The following IRGM variants were observed in gnomAD, a reference collection of about 807,000 sequenced individuals.
IRGM encodes immunity-related GTPase family M protein.
For missense variants in IRGM, 288 were observed against 219.9 expected (o/e 1.31, Z -1.96); for synonymous variants, 98 against 80.6 (o/e 1.22, Z -1.16).
intron 3 of IRGM, among the ~76,000 whole-genome samples, chr5:150,899,072 T>C (rs1754903115): frequency 6.6e-6 from 1 of 151,720 alleles, no homozygotes; most frequent in Admixed American, 6.6e-5. Context: ...AGAGGGAAGA[T>C]AATGCAAAGA....
At chr5:150,852,634 A>C (rs866300553), downstream of IRGM, among the ~76,000 whole-genome samples, 24 of 152,260 alleles carry the variant, frequency 1.6e-4, no homozygotes, top group Middle Eastern at 3.4e-3. Flanking sequence ...AGAGCATGGG[A>C]TAAGCTAGAG....
At chr5:150,852,449 G>T (rs1753989927), downstream of IRGM, among the ~76,000 whole-genome samples, 1 of 151,834 alleles carries the variant, frequency 6.6e-6, no homozygotes, top group South Asian at 2.1e-4. Flanking sequence ...TTTCCATCTG[G>T]CTCACCTTAT....
intron 1 of IRGM, among the ~76,000 whole-genome samples, chr5:150,856,585 G>A (rs933317914): frequency 1.3e-5 from 2 of 151,302 alleles, no homozygotes; most frequent in Admixed American, 1.3e-4. Context: ...CTACCAATTG[G>A]GGTAGTGTTC....
chr5:150,854,656 AC>A, intron 1 of IRGM, among the ~76,000 whole-genome samples: 1 of 152,126 alleles, frequency 6.6e-6, no homozygotes, highest in Non-Finnish European at 1.5e-5. Flanking sequence ...CTGGCCTGCA[AC>A]CTTTCTGCTG....
chr5:150,873,408 C>A (rs6873549), intron 1 of IRGM, among the ~76,000 whole-genome samples: 4,840 of 152,266 alleles, frequency 0.032, 246 homozygotes, highest in African/African-American at 0.11. Context: ...ACACTACCAA[C>A]AATTTATGCT....
At chr5:150,866,648 T>A (rs1173026434) in intron 1 of IRGM, among the ~76,000 whole-genome samples, 1 of 152,220 alleles carries the variant, frequency 6.6e-6, no homozygotes, top group African/African-American at 2.4e-5. Flanking sequence ...ATATCCCATG[T>A]ACAGATATTA....
intron 1 of IRGM, among the ~76,000 whole-genome samples, chr5:150,873,224 TCTTA>T (rs1229124517): frequency 6.6e-6 from 1 of 152,180 alleles, no homozygotes; most frequent in African/African-American, 2.4e-5. Context: ...CCCACTGCAT[TCTTA>T]CTTAATTTAT....
intron 3 of IRGM, chr5:150,898,545 A>G: frequency 6.2e-7 from 1 of 1,605,436 alleles, no homozygotes; most frequent in Non-Finnish European, 8.5e-7. Flanking sequence ...TCCTTGAATG[A>G]TACTAACCCC....
intron 1 of IRGM, among the ~76,000 whole-genome samples, chr5:150,857,260 CTCA>C (rs1754071588): frequency 6.6e-6 from 1 of 152,120 alleles, no homozygotes; most frequent in Non-Finnish European, 1.5e-5. Flanking sequence ...AGGACATGAA[CTCA>C]TCATTTTTTA....
At chr5:150,850,798 G>A (rs1290058459), downstream of IRGM, among the ~76,000 whole-genome samples, 1 of 152,138 alleles carries the variant, frequency 6.6e-6, no homozygotes, top group Non-Finnish European at 1.5e-5. Flanking sequence ...TCCACCCCCT[G>A]TAGTGAGAGC....
At chr5:150,858,477 C>T (rs913863730) in intron 1 of IRGM, among the ~76,000 whole-genome samples, 7 of 152,166 alleles carry the variant, frequency 4.6e-5, no homozygotes, top group African/African-American at 1.7e-4. Context: ...TCATTGGTAG[C>T]TTGATGGGGA....
chr5:150,890,981 A>C (rs186318899), intron 3 of IRGM, among the ~76,000 whole-genome samples: 1 of 152,200 alleles, frequency 6.6e-6, no homozygotes, highest in Admixed American at 6.5e-5. Flanking sequence ...AAGTCTACCT[A>C]CTATAACCTT....
chr5:150,898,238 G>A, intron 3 of IRGM: 2 of 1,606,854 alleles, frequency 1.2e-6, no homozygotes, highest in Non-Finnish European at 8.5e-7. Flanking sequence ...AGGAAAAAGA[G>A]AAGGTGCAGT....
At chr5:150,895,532 C>A (rs1344475261) in intron 3 of IRGM, 2 of 1,613,376 alleles carry the variant, frequency 1.2e-6, no homozygotes, top group Admixed American at 3.3e-5. Context: ...CAGTATGAAT[C>A]CTCTGATGTA....
intron 1 of IRGM, among the ~76,000 whole-genome samples, chr5:150,866,450 G>C (rs1325756116): frequency 6.6e-6 from 1 of 152,190 alleles, no homozygotes; most frequent in Non-Finnish European, 1.5e-5. Flanking sequence ...TTCACCCACT[G>C]CTTGACTTGG....
intron 3 of IRGM, chr5:150,898,120 T>A (rs1367487275): frequency 4.3e-6 from 7 of 1,613,710 alleles, no homozygotes; most frequent in Non-Finnish European, 5.9e-6. Context: ...TGTCTCCCTT[T>A]ATGATCCATG....
downstream of IRGM, among the ~76,000 whole-genome samples, chr5:150,848,877 C>G (rs915606281): frequency 2.6e-5 from 4 of 152,038 alleles, no homozygotes; most frequent in Admixed American, 6.5e-5. Context: ...AAGGTCCTTT[C>G]CCTTCACGGA....
chr5:150,896,748 T>C, intron 3 of IRGM: 1 of 1,613,760 alleles, frequency 6.2e-7, no homozygotes, highest in Non-Finnish European at 8.5e-7. Flanking sequence ...CAGTGGATTA[T>C]ATTTATGCCC....
chr5:150,871,364 T>C (rs1754279579), intron 1 of IRGM, among the ~76,000 whole-genome samples: 1 of 152,216 alleles, frequency 6.6e-6, no homozygotes, highest in South Asian at 2.1e-4. Flanking sequence ...TGTGTCTATG[T>C]GTGTTTGTAT....
Sources: allele counts gnomAD v4.1 joint callset (sites outside exome capture counted in the v4.1 genomes callset), GRCh38; gene constraint gnomAD v4.1.1; transcripts MANE v1.5; gene names NCBI Gene and HGNC (gene_info 2026-07-23, HGNC 2026-07-21).